Variants in EFCAB6 observed in about 807,000 individuals in gnomAD.
EFCAB6 encodes the protein EF-hand calcium binding domain 6, also known as EF-hand calcium-binding domain-containing protein 6.
A neutral mutation model predicts 169.8 loss-of-function variants in EFCAB6; 156 were observed. The ratio of observed to expected loss-of-function variants is 0.92; its 90% CI spans 0.81 to 1.05. EFCAB6 has a LOEUF of 1.05. Among genes scored for constraint, EFCAB6 ranks in the 50% least tolerant of loss-of-function variants. The pLI is 0.00. For missense variants in EFCAB6, 1,800 were observed against 1,829.1 expected (o/e 0.98, Z 0.29); for synonymous variants, 698 against 676.4 (o/e 1.03, Z -0.50).
intron 13 of EFCAB6, among the ~76,000 whole-genome samples, chr22:43,676,222 C>G (rs1368511614): frequency 6.6e-6 from 1 of 152,006 alleles, no homozygotes; most frequent in African/African-American, 2.4e-5. Flanking sequence ...TCGAGACCAT[C>G]CTGGCTAACA....
chr22:43,528,887 G>C lies in EFCAB6; in HGVS notation c.4472C>G (p.Ser1491Cys). Residue 1491 changes from serine to cysteine, a missense_variant, in exon 32 of 32, where the codon TCC becomes TGC. Ser to Cys is a moderately radical substitution (Grantham distance 112, BLOSUM62 -1). Coordinates refer to ENST00000262726, the MANE Select transcript of EFCAB6 (RefSeq NM_022785.4). ...YYDKTLSSKI[S>C]YNDFLRAFLQ ...GAATGCCCGGAGGAAGTCGTTGTAG[G>C]AGATTTTTGAAGACAGCGTCTTATC... 2 of 1,611,824 alleles carry C rather than the reference G, an allele frequency of 1.2e-6. No individual in the cohort carries two copies. The highest frequency in any genetic ancestry group is 1.7e-6 in the Non-Finnish European group (2 of 1,178,166).
intron 27 of EFCAB6, among the ~76,000 whole-genome samples, chr22:43,547,700 G>C (rs182825034): frequency 1.8e-3 from 278 of 151,934 alleles, no homozygotes; most frequent in African/African-American, 6.6e-3. Context: ...GAGAAGTTGA[G>C]GTTGTAGTGA....
intron 10 of EFCAB6, among the ~76,000 whole-genome samples, chr22:43,707,890 C>T (rs1032462079): frequency 6.6e-6 from 1 of 152,046 alleles, no homozygotes; most frequent in Non-Finnish European, 1.5e-5. Flanking sequence ...CCCATCAAAA[C>T]AAGGCAGAAG....
chr22:43,582,274 TC>T (rs2050774970), intron 24 of EFCAB6, among the ~76,000 whole-genome samples: 1 of 151,964 alleles, frequency 6.6e-6, no homozygotes, highest in African/African-American at 2.4e-5. Flanking sequence ...TGAAAAGAGA[TC>T]CTGTTTAAGG....
At chr22:43,562,393 A>G (rs1427746355) in intron 26 of EFCAB6, among the ~76,000 whole-genome samples, 11 of 152,330 alleles carry the variant, frequency 7.2e-5, no homozygotes, top group Non-Finnish European at 1.5e-5. Flanking sequence ...GTATCCATGT[A>G]TCTTGCTAGT....
chr22:43,754,193 TTTA>T lies in EFCAB6; in HGVS notation c.507+1570_507+1572del, dbSNP rs1419838043. ...ATAAGCATAATAGTAACAGCTGGCA[TTTA>T]TTAAGTGTTCCAGGTGCTTTATTCT... On this transcript the variant is annotated intron_variant, in intron 6 of 31. Coordinates refer to ENST00000262726, the MANE Select transcript of EFCAB6 (RefSeq NM_022785.4). Among the ~76,000 whole-genome samples, 4 of 152,316 alleles carry T rather than the reference TTTA, an allele frequency of 2.6e-5. No individual in the cohort carries two copies. The East Asian group carries it at 7.7e-4, about 29-fold the overall frequency.
chr22:43,661,053 T>C (rs997553429), intron 17 of EFCAB6, among the ~76,000 whole-genome samples: 1 of 152,220 alleles, frequency 6.6e-6, no homozygotes, highest in Non-Finnish European at 1.5e-5. Flanking sequence ...TCTTACTTGA[T>C]ATTTACGTTA....
At chr22:43,602,258 A>G (rs2052576092) in intron 22 of EFCAB6, among the ~76,000 whole-genome samples, 1 of 152,218 alleles carries the variant, frequency 6.6e-6, no homozygotes, top group African/African-American at 2.4e-5. Context: ...TGCAACCCAG[A>G]AAAGTACACT....
At chr22:43,589,133 T>C (rs1036473899) in intron 24 of EFCAB6, among the ~76,000 whole-genome samples, 4 of 151,676 alleles carry the variant, frequency 2.6e-5, no homozygotes, top group African/African-American at 9.7e-5. Flanking sequence ...AGTAGGGACA[T>C]TGGCCGGGTG....
intron 24 of EFCAB6, among the ~76,000 whole-genome samples, chr22:43,588,704 CAAG>C (rs1367775470): frequency 2.0e-5 from 3 of 151,734 alleles, no homozygotes; most frequent in Non-Finnish European, 4.4e-5. Flanking sequence ...GGGCAATCTT[CAAG>C]AAGATGAAGC....
At chr22:43,624,377 C>T (rs760014891) in intron 20 of EFCAB6, among the ~76,000 whole-genome samples, 8 of 152,132 alleles carry the variant, frequency 5.3e-5, no homozygotes, top group Non-Finnish European at 8.8e-5. Context: ...CCATAGCATA[C>T]GGCCTCCCCT....
chr22:43,743,423 T>G (rs1236690322), intron 6 of EFCAB6, among the ~76,000 whole-genome samples: 1 of 152,186 alleles, frequency 6.6e-6, no homozygotes, highest in East Asian at 1.9e-4. Context: ...GGTGCTGAAA[T>G]GAGGCTTCAA....
intron 12 of EFCAB6, chr22:43,683,526 A>G (rs2058080633): frequency 1.9e-6 from 1 of 526,654 alleles, no homozygotes; most frequent in Admixed American, 3.2e-5. Context: ...CTGTATTGCA[A>G]TTAATTTTCC....
chr22:43,681,186 C>A (rs953969971), intron 12 of EFCAB6, among the ~76,000 whole-genome samples: 2 of 152,162 alleles, frequency 1.3e-5, no homozygotes, highest in Non-Finnish European at 2.9e-5. Flanking sequence ...TTGGATTTTT[C>A]AAATACTGTT....
At chr22:43,774,435 G>T (rs914861674) in intron 3 of EFCAB6, among the ~76,000 whole-genome samples, 2 of 151,548 alleles carry the variant, frequency 1.3e-5, no homozygotes, top group Admixed American at 6.6e-5. Flanking sequence ...CAGGCTCTGG[G>T]GGGCACTTCC....
chr22:43,714,485 C>G (rs970476807), intron 9 of EFCAB6, among the ~76,000 whole-genome samples: 2 of 151,208 alleles, frequency 1.3e-5, no homozygotes, highest in African/African-American at 2.4e-5. Context: ...CAAAATGGTC[C>G]ATGCCGAGAT....
chr22:43,668,000 C>G (rs546983661), intron 16 of EFCAB6, among the ~76,000 whole-genome samples: 2 of 152,152 alleles, frequency 1.3e-5, no homozygotes, highest in Non-Finnish European at 2.9e-5. Context: ...TCTGGGAAAG[C>G]TACATTTTAT....
chr22:43,543,106 C>G (rs553173122), intron 27 of EFCAB6, among the ~76,000 whole-genome samples: 1 of 152,160 alleles, frequency 6.6e-6, no homozygotes, highest in South Asian at 2.1e-4. Flanking sequence ...AGCCCATGAG[C>G]GCGGGGTCAC....
chr22:43,618,952 C>T (rs549754036), intron 20 of EFCAB6, among the ~76,000 whole-genome samples: 28 of 152,032 alleles, frequency 1.8e-4, no homozygotes, highest in African/African-American at 6.8e-4. Context: ...TGAAGGTGGC[C>T]CTCACCATGA....
Sources: gnomAD v4.1 joint callset for allele counts (sites outside exome capture counted in the v4.1 genomes callset) on GRCh38, gnomAD v4.1.1 for gene constraint, MANE v1.5 for transcripts, NCBI Gene and HGNC (gene_info 2026-07-23, HGNC 2026-07-21) for gene names.